Variants in RTTN observed in about 807,000 individuals in gnomAD.
RTTN encodes rotatin.
In RTTN, 182 loss-of-function variants were observed where a neutral mutation model predicts 269.2. The ratio of observed to expected loss-of-function variants is 0.68; its 90% CI spans 0.60 to 0.76. The LOEUF (loss-of-function observed/expected upper bound fraction) is 0.76, where lower values mean the gene tolerates loss of function less well. RTTN is among the 30% of genes least tolerant of loss of function. The pLI is 0.00. For synonymous variants in RTTN, 1,006 were observed against 963.5 expected, an observed-to-expected ratio of 1.04 and a Z score of -0.82; for missense variants, 2,545 against 2,608.6, an observed-to-expected ratio of 0.98 and a Z score of 0.53.
intron 26 of RTTN, among the ~76,000 whole-genome samples, chr18:70,118,966 G>A (rs1314500445): frequency 2.6e-5 from 4 of 152,056 alleles, no homozygotes; most frequent in Non-Finnish European, 4.4e-5. Context: ...AAAACCCACA[G>A]CTAACATCAT....
intron 30 of RTTN, among the ~76,000 whole-genome samples, chr18:70,090,391 ATATGT>A (rs1166671330): frequency 6.8e-6 from 1 of 146,036 alleles, no homozygotes; most frequent in African/African-American, 2.4e-5. Context: ...AATTACAACA[ATATGT>A]TATAATACAA....
At chr18:70,161,451 A>T in intron 14 of RTTN, among the ~76,000 whole-genome samples, 1 of 152,158 alleles carries the variant, frequency 6.6e-6, no homozygotes, top group East Asian at 1.9e-4. Flanking sequence ...AAGTCTCCAA[A>T]AAAAGCAATT....
chr18:70,096,273 T>C (rs2059002269), intron 28 of RTTN, among the ~76,000 whole-genome samples: 1 of 152,200 alleles, frequency 6.6e-6, no homozygotes, highest in Non-Finnish European at 1.5e-5. Context: ...AGTTTGTTAT[T>C]ACCTACCTTC....
At chr18:70,136,448 T>C (rs2060127022) in intron 21 of RTTN, among the ~76,000 whole-genome samples, 1 of 151,532 alleles carries the variant, frequency 6.6e-6, no homozygotes, top group Non-Finnish European at 1.5e-5. Context: ...ATAGAAAAGT[T>C]GAGAGAAAAT....
intron 34 of RTTN, among the ~76,000 whole-genome samples, chr18:70,071,624 C>A (rs554905351): frequency 5.3e-5 from 8 of 152,148 alleles, no homozygotes; most frequent in Admixed American, 3.3e-4. Flanking sequence ...TTTACAAGGG[C>A]GATGCCCCAA....
At position 70,188,048 on chromosome 18, in the gene RTTN, A is replaced by G. The variant is rs1459304612; in HGVS notation, c.1305+60T>C. 13 of 1,037,406 alleles carry G rather than the reference A, an allele frequency of 1.3e-5. No homozygotes were observed. The East Asian group carries it at 2.6e-4, about 21-fold the overall frequency. The allele number at this position is 1,037,406 out of a possible 1,614,324, so 64.3% of individuals were successfully genotyped here. On this transcript the variant is annotated intron_variant, in intron 10 of 48. Transcript: ENST00000640769. ...GAATGAGACAATGAAACCGGCTTAAAAGAACCAAAATCTTAAAAAATACTA... is the reference window on the plus strand; with the variant it reads ...GAATGAGACAATGAAACCGGCTTAAGAGAACCAAAATCTTAAAAAATACTA...
At chr18:70,200,351 A>G (rs982500920) in intron 4 of RTTN, among the ~76,000 whole-genome samples, 1 of 152,214 alleles carries the variant, frequency 6.6e-6, no homozygotes, top group African/African-American at 2.4e-5. Flanking sequence ...GTCCAAAATA[A>G]GCCAGACCCT....
At chr18:70,104,986 CAA>C (rs1468793383) in intron 28 of RTTN, among the ~76,000 whole-genome samples, 1 of 152,200 alleles carries the variant, frequency 6.6e-6, no homozygotes, top group African/African-American at 2.4e-5. Flanking sequence ...TCTCAGATCT[CAA>C]ACTCTGTAAC....
chr18:70,060,415 T>C (rs2057947679), intron 35 of RTTN, among the ~76,000 whole-genome samples: 1 of 152,228 alleles, frequency 6.6e-6, no homozygotes, highest in African/African-American at 2.4e-5. Context: ...CAAATTCAAA[T>C]AATCTTTAGG....
intron 9 of RTTN, 41 bp from the exon 10 acceptor site, chr18:70,188,264 C>T (rs772861589): frequency 1.8e-6 from 2 of 1,098,558 alleles, no homozygotes; most frequent in Non-Finnish European, 2.8e-6. Flanking sequence ...GAAGAAGTTA[C>T]TTAACTTTAA....
Position 70,197,608 on chromosome 18 carries a change from T to C in RTTN, c.693+16A>G. The C allele has an allele frequency of 6.6e-7, 1 of 1,507,186 alleles. No homozygotes were observed. The allele number at this position is 1,507,186 out of a possible 1,614,324, so 93.4% of individuals were successfully genotyped here. The stretch of plus-strand genomic sequence containing the variant: ...TCTCTAGTTCAAAATCTAAAACAAT[T>C]ATAGAGGGCACTGACCTGAACAATT... On this transcript the variant is annotated intron_variant, in intron 6 of 48. Coordinates refer to ENST00000640769, the MANE Select transcript of RTTN (RefSeq NM_173630.4).
At chr18:70,178,973 T>C (rs541311849) in intron 10 of RTTN, among the ~76,000 whole-genome samples, 2 of 152,246 alleles carry the variant, frequency 1.3e-5, no homozygotes, top group South Asian at 2.1e-4. Context: ...TTAATAGACA[T>C]AAACTTTGAA....
intron 14 of RTTN, among the ~76,000 whole-genome samples, chr18:70,161,482 T>C (rs2060829192): frequency 6.6e-6 from 1 of 151,986 alleles, no homozygotes; most frequent in Non-Finnish European, 1.5e-5. Context: ...CAGAAATAGA[T>C]AAGTGGGACC....
At chr18:70,107,084 C>T (rs1014721953) in intron 28 of RTTN, among the ~76,000 whole-genome samples, 52 of 152,176 alleles carry the variant, frequency 3.4e-4, no homozygotes, top group Non-Finnish European at 8.8e-5. Flanking sequence ...CACAGGATGA[C>T]ATTGAAACAA....
chr18:70,067,961 T>G (rs2144990085), intron 34 of RTTN, among the ~76,000 whole-genome samples: 1 of 152,362 alleles, frequency 6.6e-6, no homozygotes, highest in East Asian at 1.9e-4. Flanking sequence ...CCTTATTGTA[T>G]TATAACTTAC....
intron 11 of RTTN, among the ~76,000 whole-genome samples, chr18:70,170,134 T>C (rs2061099244): frequency 6.6e-6 from 1 of 152,172 alleles, no homozygotes; most frequent in Non-Finnish European, 1.5e-5. Context: ...TTCCTTTTTT[T>C]TGTGGGCGGG....
intron 35 of RTTN, among the ~76,000 whole-genome samples, chr18:70,062,688 C>G (rs1487931920): frequency 1.4e-5 from 2 of 147,900 alleles, no homozygotes; most frequent in African/African-American, 2.5e-5. Context: ...TCATGGCTCA[C>G]TGAAGCCTCA....
At chr18:70,180,083 T>C (rs950560359) in intron 10 of RTTN, among the ~76,000 whole-genome samples, 1 of 152,104 alleles carries the variant, frequency 6.6e-6, no homozygotes, top group South Asian at 2.1e-4. Flanking sequence ...CATGCCTCTT[T>C]GTCATGGCTC....
intron 10 of RTTN, among the ~76,000 whole-genome samples, chr18:70,184,582 GC>G (rs1949131392): frequency 6.6e-6 from 1 of 151,314 alleles, no homozygotes; most frequent in Admixed American, 6.6e-5. Flanking sequence ...TAAATAATGA[GC>G]TAAACAAGTG....
Sources: allele counts gnomAD v4.1 joint callset (sites outside exome capture counted in the v4.1 genomes callset), GRCh38; gene constraint gnomAD v4.1.1; transcripts MANE v1.5; gene names NCBI Gene and HGNC (gene_info 2026-07-23, HGNC 2026-07-21).